Variants in PPFIBP1 observed in about 807,000 individuals in gnomAD.
The protein encoded by PPFIBP1 is PPFIB scaffold protein 1.
In PPFIBP1, 112 loss-of-function variants were observed where a neutral mutation model predicts 137.8. The ratio of observed to expected loss-of-function variants is 0.81; its 90% CI spans 0.70 to 0.95. The LOEUF (loss-of-function observed/expected upper bound fraction) is 0.95, where lower values mean the gene tolerates loss of function less well. Among genes scored for constraint, PPFIBP1 ranks in the 40% least tolerant of loss-of-function variants. The pLI, the probability that PPFIBP1 is intolerant of heterozygous loss-of-function variation, is 0.00. For synonymous variants in PPFIBP1, 378 were observed against 417.3 expected (o/e 0.91, Z 1.15); for missense variants, 1,083 against 1,196.6 (o/e 0.91, Z 1.40).
chr12:27,674,375 T>G (rs2060375144), intron 17 of PPFIBP1, among the ~76,000 whole-genome samples, 154 bp downstream of exon 17: 1 of 152,152 alleles, frequency 6.6e-6, no homozygotes, highest in Non-Finnish European at 1.5e-5. Context: ...ATGATTCCGT[T>G]TATGTGAAAC....
chr12:27,640,911 G>T (rs1349422684), intron 4 of PPFIBP1, among the ~76,000 whole-genome samples: 1 of 152,154 alleles, frequency 6.6e-6, no homozygotes, highest in East Asian at 1.9e-4. Context: ...ACAAAATGCT[G>T]TCATAGTAAT....
At chr12:27,681,958 C>T (rs2060900096) in intron 22 of PPFIBP1, among the ~76,000 whole-genome samples, 1 of 150,658 alleles carries the variant, frequency 6.6e-6, no homozygotes, top group East Asian at 2.0e-4. Flanking sequence ...GTTCATATTT[C>T]TCGAAATCAT....
At chr12:27,675,168 T>C (rs2060442403) in intron 17 of PPFIBP1, among the ~76,000 whole-genome samples, 1 of 152,100 alleles carries the variant, frequency 6.6e-6, no homozygotes, top group South Asian at 2.1e-4. Flanking sequence ...GTCATTAACC[T>C]TGTGAAGATT....
chr12:27,566,382 C>T (rs576685436), intron 1 of PPFIBP1, among the ~76,000 whole-genome samples: 6 of 150,892 alleles, frequency 4.0e-5, no homozygotes, highest in East Asian at 1.9e-4. Context: ...ACCTGCTGTT[C>T]GCAAAATATG....
chr12:27,685,212 A>G (rs1566015224), intron 24 of PPFIBP1, among the ~76,000 whole-genome samples: 2 of 149,514 alleles, frequency 1.3e-5, no homozygotes, highest in African/African-American at 5.1e-5. Flanking sequence ...AGATACATAG[A>G]GTATGTATAT....
intron 22 of PPFIBP1, 27 bp downstream of exon 22, chr12:27,681,723 C>A: frequency 6.2e-7 from 1 of 1,611,436 alleles, no homozygotes; most frequent in Non-Finnish European, 8.5e-7. Flanking sequence ...TTTGTTCACA[C>A]AATGGATACT....
At position 27,595,467 on chromosome 12, in the gene PPFIBP1, A is replaced by T. The variant is rs113332319; in HGVS notation, c.-36+17228A>T. Among the ~76,000 whole-genome samples the T allele has an allele frequency of 2.6e-3, 400 of 152,322 alleles. 2 individuals are homozygous for T. The highest frequency in any genetic ancestry group is 4.4e-3 in the Non-Finnish European group (302 of 68,026). ...TCTGAGACTGTTGGTTACCATGGCAACAGAAAGACCTGAATTAGAGCCAGG... is the reference window on the plus strand; with the variant it reads ...TCTGAGACTGTTGGTTACCATGGCATCAGAAAGACCTGAATTAGAGCCAGG... On this transcript the variant is annotated intron_variant, in intron 2 of 29. Transcript: ENST00000228425.
intron 2 of PPFIBP1, among the ~76,000 whole-genome samples, chr12:27,582,233 C>G (rs1428211461): frequency 6.6e-6 from 1 of 152,098 alleles, no homozygotes; most frequent in Non-Finnish European, 1.5e-5. Context: ...TGTGTGCATA[C>G]ATGCTGTCTC....
At chr12:27,660,831 A>AT in intron 10 of PPFIBP1, 53 bp from the exon 11 acceptor site, 2 of 1,586,264 alleles carry the variant, frequency 1.3e-6, no homozygotes, top group African/African-American at 2.7e-5. Flanking sequence ...ATAACTTCTT[A>AT]TCACTGTCAC....
At chr12:27,544,331 G>A (rs188802671) in intron 1 of PPFIBP1, among the ~76,000 whole-genome samples, 130 of 152,268 alleles carry the variant, frequency 8.5e-4, no homozygotes, top group African/African-American at 2.9e-3. Flanking sequence ...CTAGTGATGG[G>A]CAAAGACTTC....
Position 27,687,494 on chromosome 12 carries a change from G to T in PPFIBP1, c.2357G>T (p.Arg786Leu), listed in dbSNP as rs767051300. 1 of 1,613,692 alleles carries T rather than the reference G, an allele frequency of 6.2e-7. No individual in the cohort carries two copies. Residue 786 changes from arginine to leucine, a missense_variant, in exon 25 of 30, where the codon CGG (arginine) becomes CTG (leucine). Transcript: ENST00000228425. ...TTTGAACCAAACTGTCTACGGAGGC[G>T]GCCATCTGATGAGGTAGTGTTTTAA... ...NNFEPNCLRRRPSDENTIAPS... is the reference protein window; with the variant it reads ...NNFEPNCLRRLPSDENTIAPS...
intron 2 of PPFIBP1, among the ~76,000 whole-genome samples, chr12:27,611,373 C>T (rs1488084910): frequency 6.6e-6 from 1 of 152,096 alleles, no homozygotes; most frequent in East Asian, 1.9e-4. Context: ...GCATTCACAT[C>T]ATCTTGAATT....
At chr12:27,645,047 G>A (rs1392999922) in intron 4 of PPFIBP1, among the ~76,000 whole-genome samples, 3 of 152,092 alleles carry the variant, frequency 2.0e-5, no homozygotes, top group Non-Finnish European at 4.4e-5. Context: ...CACATCAGAT[G>A]TGTCCTGGGC....
chr12:27,616,455 G>A, intron 2 of PPFIBP1, among the ~76,000 whole-genome samples: 1 of 152,134 alleles, frequency 6.6e-6, no homozygotes, highest in South Asian at 2.1e-4. Flanking sequence ...GGAGCAGACT[G>A]TGTGACTACT....
At chr12:27,664,212 C>T (rs1373035588) in intron 11 of PPFIBP1, 150 bp from the exon 12 acceptor site, 1 of 594,680 alleles carries the variant, frequency 1.7e-6, no homozygotes, top group Admixed American at 2.9e-5. Context: ...GTAAATAATT[C>T]ACATCTGCTT....
At chr12:27,559,073 C>T (rs2048946533) in intron 1 of PPFIBP1, among the ~76,000 whole-genome samples, 1 of 152,088 alleles carries the variant, frequency 6.6e-6, no homozygotes, top group Admixed American at 6.6e-5. Flanking sequence ...ACTCTATTGC[C>T]CCCAGGCTGG....
chr12:27,528,698 A>G (rs1944056397), intron 1 of PPFIBP1, among the ~76,000 whole-genome samples: 2 of 152,212 alleles, frequency 1.3e-5, no homozygotes, highest in Non-Finnish European at 2.9e-5. Flanking sequence ...TTCAAAAAAA[A>G]ACCTAACATA....
rs547815015 is a variant in PPFIBP1, at chr12:27,580,008, AT to A, written c.-36+1770del. ...AAGGGACTATGTAGGGGAAGAGGAA[AT>A]AGATCCAGAAAAGAGATGTGTCTGG... is the stretch of plus-strand genomic sequence containing the variant. On this transcript the variant is annotated intron_variant, in intron 2 of 29. Transcript: ENST00000228425. Among the ~76,000 whole-genome samples the A allele has an allele frequency of 3.9e-5, 6 of 152,294 alleles. No individual in the cohort carries two copies. The South Asian group carries it at 1.0e-3, about 26-fold the overall frequency.
chr12:27,646,075 T>A lies in PPFIBP1; in HGVS notation c.284T>A (p.Leu95Gln). The A allele has an allele frequency of 6.2e-7, 1 of 1,607,970 alleles. No individual in the cohort carries two copies. Among genetic ancestry groups the A allele is most frequent in the Non-Finnish European group, 8.5e-7 (1 of 1,175,442 alleles). ...WLQSQMTNGHLPGNGDVYQER... is the reference protein window; with the variant it reads ...WLQSQMTNGHQPGNGDVYQER... ...TTCCTTTTTCAGACAAATGGACACC[T>A]ACCAGGGAACGGAGATGTGTATCAA... is the stretch of plus-strand genomic sequence containing the variant. Residue 95 changes from leucine (L) to glutamine (Q), a missense_variant, in exon 5 of 30, where the codon CTA becomes CAA. Coordinates refer to ENST00000228425, the MANE Select transcript of PPFIBP1 (RefSeq NM_003622.4).
Sources: allele counts gnomAD v4.1 joint callset (sites outside exome capture counted in the v4.1 genomes callset), GRCh38; gene constraint gnomAD v4.1.1; transcripts MANE v1.5; gene names NCBI Gene and HGNC (gene_info 2026-07-23, HGNC 2026-07-21).